Variants in ASB18 observed in about 807,000 individuals in gnomAD.
ASB18 encodes the protein ankyrin repeat and SOCS box containing 18.
In ASB18, 33 loss-of-function variants were observed where a neutral mutation model predicts 33.4. That is an observed-to-expected ratio of 0.99 (90% CI 0.75 to 1.32). The LOEUF is 1.32. Ranked by LOEUF, ASB18 falls within the 40% of genes most tolerant of loss-of-function variation. The pLI, the probability that ASB18 is intolerant of heterozygous loss-of-function variation, is 0.00. For missense variants in ASB18, 694 were observed against 655.5 expected (o/e 1.06, Z -0.64); for synonymous variants, 295 against 307.6 (o/e 0.96, Z 0.43).
chr2:236,218,354 C>A (rs1365265862), intron 3 of ASB18, among the ~76,000 whole-genome samples: 2 of 152,096 alleles, frequency 1.3e-5, no homozygotes, highest in Non-Finnish European at 2.9e-5. Context: ...TGCTGGTACA[C>A]GGTGGCAGTC....
In ASB18 at chr2:236,216,651, G is replaced by A. The variant is rs1399064531; in HGVS notation, c.597-1785C>T. Among the ~76,000 whole-genome samples the A allele has an allele frequency of 2.0e-5, 3 of 152,120 alleles. No individual in the cohort carries two copies. Among genetic ancestry groups the A allele is most frequent in the Admixed American group, 1.3e-4 (2 of 15,278 alleles). ...CACTGTCCTTTGTTGAGGCCACATC[G>A]TTTCTCGGAATGCTTATAAGTCTCT... On this transcript the variant is annotated intron_variant, in intron 3 of 5. Transcript: ENST00000409749. The surrounding 1 kb of genome is among the most constrained non-coding windows in gnomAD (Gnocchi z 6.1).
rs1232736895 is a variant in ASB18, at chr2:236,263,905, C to T, written c.205+236G>A. Among the ~76,000 whole-genome samples, 3 of 152,168 alleles carry T rather than the reference C, an allele frequency of 2.0e-5. No individual in the cohort carries two copies. The highest frequency in any genetic ancestry group is 4.4e-5 in the Non-Finnish European group (3 of 68,040). ...CTTGGAAAACAATGGAGCCACAGAG[C>T]AGCCACTGTGGTAGGATTAGTTTTT... On this transcript the variant is annotated intron_variant, in intron 1 of 5. Coordinates refer to ENST00000409749, the MANE Select transcript of ASB18 (RefSeq NM_212556.4). The surrounding 1 kb of genome is among the most constrained non-coding windows in gnomAD (Gnocchi z 4.0).
intron 1 of ASB18, among the ~76,000 whole-genome samples, chr2:236,246,796 TCTTTC>T (rs71833434): frequency 0.26 from 39,383 of 151,886 alleles, 7,736 homozygotes; most frequent in African/African-American, 0.56. Flanking sequence ...GCTCTTTGGG[TCTTTC>T]CTTTCTCTAA....
rs543141341 is a variant in ASB18, at chr2:236,205,181, G to A, written c.1102-8796C>T. ...CTCCTCTGCTCAAATCCCTCCAATG[G>A]TCAAAGTCATTACAATGTCCTGTAA... On this transcript the variant is annotated intron_variant, in intron 4 of 5. Transcript: ENST00000409749. The surrounding 1 kb of genome is among the most constrained non-coding windows in gnomAD (Gnocchi z 5.4). Among the ~76,000 whole-genome samples the A allele has an allele frequency of 8.5e-5, 13 of 152,264 alleles. No homozygotes were observed. Among genetic ancestry groups the A allele is most frequent in the South Asian group, 2.1e-4 (1 of 4,820 alleles).
At position 236,204,606 on chromosome 2, in the gene ASB18, T is replaced by A. The variant is rs1447506877; in HGVS notation, c.1102-8221A>T. Reference sequence around the variant, plus strand: ...GGCTTCGATATCCAGCTGCTTACATTGTAGCTACACCTGGCTGTATCCCAC... The same window carrying A: ...GGCTTCGATATCCAGCTGCTTACATAGTAGCTACACCTGGCTGTATCCCAC... On this transcript the variant is annotated intron_variant, in intron 4 of 5. Coordinates refer to ENST00000409749, the MANE Select transcript of ASB18 (RefSeq NM_212556.4). The surrounding 1 kb of genome is among the most constrained non-coding windows in gnomAD (Gnocchi z 5.1). Among the ~76,000 whole-genome samples the A allele has an allele frequency of 6.6e-6, 1 of 152,166 alleles. No individual in the cohort carries two copies. Among genetic ancestry groups the A allele is most frequent in the African/African-American group, 2.4e-5 (1 of 41,448 alleles).
chr2:236,237,478 T>G lies in ASB18; in HGVS notation c.596+211A>C, dbSNP rs2060599855. Among the ~76,000 whole-genome samples, 1 of 149,024 alleles carries G rather than the reference T, an allele frequency of 6.7e-6. No homozygotes were observed. The highest frequency in any genetic ancestry group is 2.4e-5 in the African/African-American group (1 of 40,876). On this transcript the variant is annotated intron_variant, in intron 3 of 5. Coordinates refer to ENST00000409749, the MANE Select transcript of ASB18 (RefSeq NM_212556.4). This position sits in a 1 kb window ranked among gnomAD's most constrained non-coding sequence, Gnocchi z 6.2. ...CAGGTCTGGGGTCCCGGGTCAGGGA[T>G]CTTGGATCTGGGTCCCGAGGCAGGG...
chr2:236,258,865 G>C (rs1235917879), intron 1 of ASB18, among the ~76,000 whole-genome samples: 1 of 152,064 alleles, frequency 6.6e-6, no homozygotes, highest in Non-Finnish European at 1.5e-5. Context: ...ACAACATAAT[G>C]CCTCTATTTT....
At position 236,214,476 on chromosome 2, in the gene ASB18, C is replaced by G; in HGVS notation, c.987G>C (p.Pro329=). The change falls in exon 4 of 6, where the codon CCG becomes CCC. Residue 329 remains proline (P), a synonymous_variant. Coordinates refer to ENST00000409749, the MANE Select transcript of ASB18 (RefSeq NM_212556.4). The surrounding 1 kb of genome is among the most constrained non-coding windows in gnomAD (Gnocchi z 6.5). ...AGALDYGGAS[P]LGRVLQTASC... ...ATGCGGTCTGGAGCACGCGGCCCAG[C>G]GGCGAGGCCCCGCCATAGTCGAGCG... 7 of 1,507,684 alleles carry G rather than the reference C, an allele frequency of 4.6e-6. No homozygotes were observed. Among genetic ancestry groups the G allele is most frequent in the Non-Finnish European group, 6.2e-6 (7 of 1,134,494 alleles). The allele number at this position is 1,507,684 out of a possible 1,614,324, so 93.4% of individuals were successfully genotyped here. A position where few individuals can be genotyped will look rare whatever the true frequency, so the allele number is the denominator to read the frequency against.
In ASB18 at chr2:236,251,355, C is replaced by T. The variant is rs757660139; in HGVS notation, c.206-9953G>A. Among the ~76,000 whole-genome samples the T allele has an allele frequency of 1.3e-5, 2 of 152,186 alleles. No homozygotes were observed. Among genetic ancestry groups the T allele is most frequent in the East Asian group, 1.9e-4 (1 of 5,186 alleles). On this transcript the variant is annotated intron_variant, in intron 1 of 5. Transcript: ENST00000409749. The surrounding 1 kb of genome is among the most constrained non-coding windows in gnomAD (Gnocchi z 5.3). ...TGGAAAGCGTATCATTGAAGCTCTC[C>T]CTGATAAAGGTGACGAAGTTTCTTT...
Position 236,221,456 on chromosome 2 carries a change from A to G in ASB18, c.597-6590T>C, listed in dbSNP as rs144919508. 6.6e-6 allele frequency among the ~76,000 whole-genome samples: 1 copy of G among 152,136 alleles called. No homozygotes were observed. Among genetic ancestry groups the G allele is most frequent in the Admixed American group, 6.5e-5 (1 of 15,270 alleles). Reference sequence around the variant, plus strand: ...GGACCCGGTGGGAGATAATTGAATCATGGGGGTGGTTTCCTTCATACTGTT... The same window carrying G: ...GGACCCGGTGGGAGATAATTGAATCGTGGGGGTGGTTTCCTTCATACTGTT... On this transcript the variant is annotated intron_variant, in intron 3 of 5. Transcript: ENST00000409749. The surrounding 1 kb of genome is among the most constrained non-coding windows in gnomAD (Gnocchi z 5.6).
At chr2:236,246,783 G>A (rs917824986) in intron 1 of ASB18, among the ~76,000 whole-genome samples, 1 of 143,436 alleles carries the variant, frequency 7.0e-6, no homozygotes, top group African/African-American at 2.9e-5. Context: ...CCACCAATAT[G>A]AAGCTCTTTG....
Position 236,214,412 on chromosome 2 carries a change from C to T in ASB18, c.1051G>A (p.Ala351Thr). The T allele has an allele frequency of 6.4e-7, 1 of 1,570,798 alleles. No homozygotes were observed. The highest frequency in any genetic ancestry group is 8.6e-7 in the Non-Finnish European group (1 of 1,164,644). Residue 351 changes from alanine to threonine, a missense_variant, in exon 4 of 6, where the codon GCG becomes ACG. Ala to Thr is a moderately conservative substitution (Grantham distance 58). Transcript: ENST00000409749. This position sits in a 1 kb window ranked among gnomAD's most constrained non-coding sequence, Gnocchi z 6.5. The stretch of plus-strand genomic sequence containing the variant: ...GTGGGAGAGCCGTGGTTGAGCAGCG[C>T]CTGCACCGTGCGCTGCGGTGAGGCC... ...LQASPQRTVQ[A>T]LLNHGSPTVW...
intron 2 of ASB18, among the ~76,000 whole-genome samples, chr2:236,240,032 ACAG>A (rs1236360095): frequency 2.6e-5 from 4 of 152,232 alleles, no homozygotes; most frequent in Non-Finnish European, 4.4e-5. Flanking sequence ...GTACCACAGG[ACAG>A]CAGCAGAACT....
rs985427370 is a variant in ASB18 at position 236,204,091 on chromosome 2, G to C, written c.1102-7706C>G. ...AGGGGGAAGAGTGGGGAGAATCTGG[G>C]GATGGATTTCCCCCTTCCTGAGCTC... On this transcript the variant is annotated intron_variant, in intron 4 of 5. Coordinates refer to ENST00000409749, the MANE Select transcript of ASB18 (RefSeq NM_212556.4). The surrounding 1 kb of genome is among the most constrained non-coding windows in gnomAD (Gnocchi z 5.1). 4.1e-5 allele frequency among the ~76,000 whole-genome samples: 6 copies of C among 146,824 alleles called. No individual in the cohort carries two copies. Among genetic ancestry groups the C allele is most frequent in the African/African-American group, 1.5e-4 (6 of 39,782 alleles).
rs2060484926 is a variant in ASB18, at chr2:236,215,794, C to T, written c.597-928G>A. ...GGACACGGAAAAACACAAGCCCACC[C>T]CCAACTTCAGCCACCTGCTCCCATA... On this transcript the variant is annotated intron_variant, in intron 3 of 5. Coordinates refer to ENST00000409749, the MANE Select transcript of ASB18 (RefSeq NM_212556.4). This position sits in a 1 kb window ranked among gnomAD's most constrained non-coding sequence, Gnocchi z 7.2. Among the ~76,000 whole-genome samples, 1 of 152,158 alleles carries T rather than the reference C, an allele frequency of 6.6e-6. No homozygotes were observed. The highest frequency in any genetic ancestry group is 1.5e-5 in the Non-Finnish European group (1 of 68,014).
Position 236,238,290 on chromosome 2 carries a change from A to C in ASB18, c.329-334T>G, listed in dbSNP as rs2060605720. 6.6e-6 allele frequency among the ~76,000 whole-genome samples: 1 copy of C among 152,172 alleles called. No homozygotes were observed. Among genetic ancestry groups the C allele is most frequent in the African/African-American group, 2.4e-5 (1 of 41,448 alleles). The stretch of plus-strand genomic sequence containing the variant: ...AAATGGGGTCAGTTAAAAGCTGTCC[A>C]AGCAGGGTGCACGGTAGGCGAATTT... On this transcript the variant is annotated intron_variant, in intron 2 of 5. Transcript: ENST00000409749. This position sits in a 1 kb window ranked among gnomAD's most constrained non-coding sequence, Gnocchi z 5.2.
Position 236,241,666 on chromosome 2 carries a change from G to C in ASB18, c.206-264C>G. The C allele has an allele frequency of 8.1e-6, 5 of 614,012 alleles. No homozygotes were observed. The highest frequency in any genetic ancestry group is 1.4e-5 in the Non-Finnish European group (5 of 345,158). The allele number at this position is 614,012 out of a possible 1,614,324, so 38.0% of individuals were successfully genotyped here. ...TTATAACTCCTGTGGGCTCCGATGT[G>C]ATAATGGTTACTTGATATGACCAGG... is the stretch of plus-strand genomic sequence containing the variant. On this transcript the variant is annotated intron_variant, in intron 1 of 5. Coordinates refer to ENST00000409749, the MANE Select transcript of ASB18 (RefSeq NM_212556.4). The surrounding 1 kb of genome is among the most constrained non-coding windows in gnomAD (Gnocchi z 4.2).
chr2:236,252,353 G>T lies in ASB18; in HGVS notation c.206-10951C>A, dbSNP rs1328680548. ...AAGGAGTGTTGAATTGAGTGGGAGG[G>T]CAGACGTGGCCACCATCAACTAGCG... On this transcript the variant is annotated intron_variant, in intron 1 of 5. Transcript: ENST00000409749. The surrounding 1 kb of genome is among the most constrained non-coding windows in gnomAD (Gnocchi z 7.9). Among the ~76,000 whole-genome samples the T allele has an allele frequency of 6.6e-6, 1 of 151,896 alleles. No homozygotes were observed. The highest frequency in any genetic ancestry group is 1.5e-5 in the Non-Finnish European group (1 of 67,980).
chr2:236,202,561 C>T (rs1318270327), intron 4 of ASB18, among the ~76,000 whole-genome samples: 1 of 151,766 alleles, frequency 6.6e-6, no homozygotes, highest in Admixed American at 6.6e-5. Context: ...TGGCTCACGC[C>T]TGTAATCCCA....
Sources: allele counts gnomAD v4.1 joint callset (sites outside exome capture counted in the v4.1 genomes callset), GRCh38; gene constraint gnomAD v4.1.1; non-coding constraint Gnocchi (gnomAD v3.1); transcripts MANE v1.5; gene names NCBI Gene and HGNC (gene_info 2026-07-23, HGNC 2026-07-21).